The following CD300LF variants were observed in gnomAD, a reference collection of about 807,000 sequenced individuals.
CD300LF encodes the protein CD300 molecule like family member f.
In CD300LF, 27 loss-of-function variants were observed where a neutral mutation model predicts 32.2. That is an observed-to-expected ratio of 0.84 (90% CI 0.62 to 1.15). CD300LF has a LOEUF of 1.15. Ranked by LOEUF, CD300LF falls within the 50% of genes most tolerant of loss-of-function variation. CD300LF has a pLI of 0.00. For missense variants in CD300LF, 348 were observed against 356.8 expected (o/e 0.98, Z 0.20); for synonymous variants, 139 against 143.2 (o/e 0.97, Z 0.21).
chr17:74,705,533 A>G (rs2033435757), intron 1 of CD300LF, among the ~76,000 whole-genome samples: 1 of 152,174 alleles, frequency 6.6e-6, no homozygotes, highest in African/African-American at 2.4e-5. Flanking sequence ...ATCACCTTGT[A>G]GAAAAGCAGG....
chr17:74,699,448 G>T (rs1467657113), intron 3 of CD300LF, among the ~76,000 whole-genome samples: 1 of 152,138 alleles, frequency 6.6e-6, no homozygotes, highest in African/African-American at 2.4e-5. Flanking sequence ...GGTCATAGTT[G>T]ATTAGCATGG....
chr17:74,709,474 A>G (rs993852664), intron 1 of CD300LF, among the ~76,000 whole-genome samples: 1 of 152,232 alleles, frequency 6.6e-6, no homozygotes, highest in Admixed American at 6.5e-5. Flanking sequence ...ATTTGTTAAC[A>G]TGGATGTTGA....
At position 74,695,238 on chromosome 17, in the gene CD300LF, T is replaced by A. The variant is rs2032317950; in HGVS notation, c.731A>T (p.Lys244Met). 5 of 1,613,984 alleles carry A rather than the reference T, an allele frequency of 3.1e-6. No homozygotes were observed. The highest frequency in any genetic ancestry group is 4.2e-6 in the Non-Finnish European group (5 of 1,179,942). Residue 244 changes from lysine (K) to methionine (M), a missense_variant, in exon 7 of 7, where the codon AAG becomes ATG. By Grantham distance (95) the Lys-to-Met change is moderately conservative. Coordinates refer to ENST00000326165, the MANE Select transcript of CD300LF (RefSeq NM_139018.5). ...VEYVTMASLPKEDISYASLTL... is the reference protein window; with the variant it reads ...VEYVTMASLPMEDISYASLTL... ...CAGAGATGCATAGGAAATGTCCTCC[T>A]TCGGCAAGGAAGCCTGCAGCAAAGG...
intron 3 of CD300LF, among the ~76,000 whole-genome samples, chr17:74,701,774 TG>T (rs1174657524): frequency 6.8e-6 from 1 of 147,224 alleles, no homozygotes; most frequent in African/African-American, 2.5e-5. Context: ...CACATGAACC[TG>T]GGAGGTGGAA....
At chr17:74,695,282 G>T in intron 6 of CD300LF, 31 bp from the exon 7 acceptor site, 1 of 1,611,934 alleles carries the variant, frequency 6.2e-7, no homozygotes, top group Non-Finnish European at 8.5e-7. Flanking sequence ...AGGTCAGAGA[G>T]GACGGCAGGA....
At position 74,712,887 on chromosome 17, in the gene CD300LF, C is replaced by G; in HGVS notation, c.-21G>C. On this transcript the variant is annotated 5_prime_UTR_variant, in exon 1 of 7. Transcript: ENST00000326165. ...GGCATCTTCTCTTCAGACAGGTCCC[C>G]GTTCCCCTCAGTGGAGCCTGGCAGC... is the stretch of plus-strand genomic sequence containing the variant. 1 of 1,613,548 alleles carries G rather than the reference C, an allele frequency of 6.2e-7. No homozygotes were observed. The highest frequency in any genetic ancestry group is 1.1e-5 in the South Asian group (1 of 91,018).
At chr17:74,699,311 C>T (rs2032817100) in intron 3 of CD300LF, among the ~76,000 whole-genome samples, 1 of 152,102 alleles carries the variant, frequency 6.6e-6, no homozygotes, top group Non-Finnish European at 1.5e-5. Flanking sequence ...CAGCAGACTC[C>T]TAAAACACCT....
chr17:74,701,211 G>A (rs181748198), intron 3 of CD300LF, among the ~76,000 whole-genome samples: 337 of 152,334 alleles, frequency 2.2e-3, no homozygotes, highest in African/African-American at 7.6e-3. Flanking sequence ...AGAAATTTGA[G>A]AAAGAAATTC....
intron 3 of CD300LF, among the ~76,000 whole-genome samples, chr17:74,701,235 T>C (rs1488298887): frequency 6.6e-6 from 1 of 152,368 alleles, no homozygotes; most frequent in East Asian, 1.9e-4. Context: ...AGTCAATTAA[T>C]TGTGTCAACC....
intron 4 of CD300LF, among the ~76,000 whole-genome samples, 156 bp downstream of exon 4, chr17:74,698,213 G>A (rs569753560): frequency 5.9e-5 from 9 of 152,134 alleles, no homozygotes; most frequent in African/African-American, 1.2e-4. Flanking sequence ...GCTCCAGGGC[G>A]CCCCCCGGTC....
chr17:74,707,457 G>T (rs892452674), intron 1 of CD300LF, among the ~76,000 whole-genome samples: 1 of 152,214 alleles, frequency 6.6e-6, no homozygotes, highest in Non-Finnish European at 1.5e-5. Flanking sequence ...ATTCACACTT[G>T]TAATTCCAGC....
intron 2 of CD300LF, among the ~76,000 whole-genome samples, chr17:74,703,899 T>C (rs1034007472): frequency 6.6e-6 from 1 of 152,088 alleles, no homozygotes; most frequent in Non-Finnish European, 1.5e-5. Context: ...TAGGAAGAAA[T>C]ATCATTAAGT....
Position 74,694,900 on chromosome 17 carries a change from G to A in CD300LF, c.*196C>T, listed in dbSNP as rs113584170. On this transcript the variant is annotated 3_prime_UTR_variant, in exon 7 of 7. Transcript: ENST00000326165. ...TCAACTATGTAGGAGAGGAGGGGAC[G>A]TTTAGAAAACCCCAACTCCTAGAAG... 5.4e-3 allele frequency: 2,818 copies of A among 522,344 alleles called. 29 individuals are homozygous for A. The highest frequency in any genetic ancestry group is 0.025 in the East Asian group (819 of 32,420). The allele number at this position is 522,344 out of a possible 1,614,324, so 32.4% of individuals were successfully genotyped here. A position where few individuals can be genotyped will look rare whatever the true frequency, so the allele number is the denominator to read the frequency against.
At chr17:74,709,475 T>C (rs1027565429) in intron 1 of CD300LF, among the ~76,000 whole-genome samples, 5 of 152,204 alleles carry the variant, frequency 3.3e-5, no homozygotes, top group Non-Finnish European at 7.3e-5. Flanking sequence ...TTTGTTAACA[T>C]GGATGTTGAA....
chr17:74,712,748 G>T, intron 1 of CD300LF, 76 bp downstream of exon 1: 3 of 1,500,606 alleles, frequency 2.0e-6, no homozygotes, highest in Non-Finnish European at 2.8e-6. Flanking sequence ...TTCTGGCCGG[G>T]TCCCTTCTTC....
At chr17:74,707,788 A>T (rs1238139415) in intron 1 of CD300LF, among the ~76,000 whole-genome samples, 1 of 152,204 alleles carries the variant, frequency 6.6e-6, no homozygotes, top group Non-Finnish European at 1.5e-5. Context: ...ATAAACCATG[A>T]ATAAGATAAA....
At chr17:74,697,576 G>C (rs939281301) in intron 4 of CD300LF, among the ~76,000 whole-genome samples, 1 of 152,198 alleles carries the variant, frequency 6.6e-6, no homozygotes, top group African/African-American at 2.4e-5. Context: ...GAGAAGTGTT[G>C]GAGGGAACCC....
At chr17:74,712,561 C>T (rs551863587) in intron 1 of CD300LF, among the ~76,000 whole-genome samples, 19 of 152,348 alleles carry the variant, frequency 1.2e-4, no homozygotes, top group Middle Eastern at 6.8e-3. Context: ...TTTCCCTGGC[C>T]GGCGGGGCCT....
intron 3 of CD300LF, among the ~76,000 whole-genome samples, chr17:74,701,891 C>T (rs1418569250): frequency 1.4e-5 from 2 of 147,032 alleles, no homozygotes; most frequent in Admixed American, 6.8e-5. Context: ...TGGTGGTGGG[C>T]GACTATAGTT....
Sources: allele counts gnomAD v4.1 joint callset (sites outside exome capture counted in the v4.1 genomes callset), GRCh38; gene constraint gnomAD v4.1.1; transcripts MANE v1.5; gene names NCBI Gene and HGNC (gene_info 2026-07-23, HGNC 2026-07-21).